Variants in MTARC2 observed in about 807,000 individuals in gnomAD.
MTARC2 encodes the protein MOCO sulphurase C-terminal domain containing 2.
In MTARC2, 27 loss-of-function variants were observed where a neutral mutation model predicts 35.6. The ratio of observed to expected loss-of-function variants is 0.76; its 90% CI spans 0.56 to 1.04. The LOEUF is 1.04. Among genes scored for constraint, MTARC2 ranks in the 50% least tolerant of loss-of-function variants. The probability of loss-of-function intolerance (pLI) is 0.00; values close to 1 mark genes in which losing one functional copy is unlikely to be tolerated. For missense variants in MTARC2, 412 were observed against 432.5 expected (o/e 0.95, Z 0.42); for synonymous variants, 158 against 167.1 (o/e 0.95, Z 0.42).
intron 2 of MTARC2, among the ~76,000 whole-genome samples, chr1:220,755,712 A>T (rs1230717374): frequency 6.6e-6 from 1 of 152,222 alleles, no homozygotes; most frequent in African/African-American, 2.4e-5. Flanking sequence ...TTCCTATTAC[A>T]GGCACACTTG....
Position 220,761,682 on chromosome 1 carries a change from C to G in MTARC2, c.471C>G (p.Gly157=). ...GGATATTTGGCCTTGACATTAAAGGCAGAGACTGTGGCAATGAGGCAGCTA... is the reference window on the plus strand; with the variant it reads ...GGATATTTGGCCTTGACATTAAAGGGAGAGACTGTGGCAATGAGGCAGCTA... The part of the protein sequence containing the change: ...NCRIFGLDIK[G]RDCGNEAAKW... The change falls in exon 3 of 8, where the codon GGC becomes GGG. Residue 157 remains glycine, a synonymous_variant. Transcript: ENST00000366913. 1 of 1,613,682 alleles carries G rather than the reference C, an allele frequency of 6.2e-7. No homozygotes were observed.
At position 220,780,073 on chromosome 1, in the gene MTARC2, G is replaced by A. The variant is rs757028466; in HGVS notation, c.806G>A (p.Cys269Tyr). 6.4e-7 allele frequency: 1 copy of A among 1,553,286 alleles called. No homozygotes were observed. The highest frequency in any genetic ancestry group is 1.3e-5 in the South Asian group (1 of 79,646). The change falls in exon 5 of 8, where the codon TGC (cysteine) becomes TAC (tyrosine). Residue 269 changes from cysteine to tyrosine, a missense_variant. Cys to Tyr is a radical substitution (Grantham distance 194, BLOSUM62 -2). Coordinates refer to ENST00000366913, the MANE Select transcript of MTARC2 (RefSeq NM_017898.5). ...GTAGAAGTGAAAAAGGTAATGGCAT[G>A]CCCCAGGTAAGGAGCCTAGCTAGAC... ...GSVEVKKVMA[C>Y]PRCILTTVDP...
intron 4 of MTARC2, among the ~76,000 whole-genome samples, chr1:220,774,762 A>C (rs142218944): frequency 0.024 from 3,603 of 152,214 alleles, 108 homozygotes; most frequent in African/African-American, 0.064. Context: ...GCGGTCTTAT[A>C]CTTCTGTGGT....
intron 4 of MTARC2, among the ~76,000 whole-genome samples, chr1:220,774,364 G>A (rs1024562152): frequency 6.6e-6 from 1 of 152,086 alleles, no homozygotes; most frequent in African/African-American, 2.4e-5. Flanking sequence ...GAGGTGACTT[G>A]GAGCTTTCTA....
chr1:220,751,365 T>C (rs1558061895), intron 1 of MTARC2, among the ~76,000 whole-genome samples: 1 of 152,224 alleles, frequency 6.6e-6, no homozygotes. Context: ...GAGGGCGTGC[T>C]TGTCCTCCCT....
rs189448170 is a variant in MTARC2, at chr1:220,758,016, G to A, written c.446+2896G>A. ...ATTATTATTTTTGAGATGGAGTCTC[G>A]CTCTGTCACCCGGGCTGGAGTGCAG... On this transcript the variant is annotated intron_variant, in intron 2 of 7. Coordinates refer to ENST00000366913, the MANE Select transcript of MTARC2 (RefSeq NM_017898.5). Among the ~76,000 whole-genome samples, 224 of 152,088 alleles carry A rather than the reference G, an allele frequency of 1.5e-3. 1 individual carries two copies. Among genetic ancestry groups the A allele is most frequent in the African/African-American group, 4.9e-3 (204 of 41,472 alleles).
At chr1:220,749,429 T>C (rs1454638005) in intron 1 of MTARC2, among the ~76,000 whole-genome samples, 1 of 54,350 alleles carries the variant, frequency 1.8e-5, no homozygotes, top group Non-Finnish European at 1.1e-4. Context: ...GCCTTCTTCT[T>C]TTTTTTTTTT....
chr1:220,769,355 C>T (rs1671671536), intron 4 of MTARC2, among the ~76,000 whole-genome samples: 1 of 152,204 alleles, frequency 6.6e-6, no homozygotes, highest in Non-Finnish European at 1.5e-5. Context: ...CAGCGGAAGG[C>T]GGATTAACAG....
At chr1:220,777,052 G>T (rs1671937872) in intron 4 of MTARC2, among the ~76,000 whole-genome samples, 2 of 152,200 alleles carry the variant, frequency 1.3e-5, no homozygotes, top group Admixed American at 1.3e-4. Flanking sequence ...GTAGTTCTTC[G>T]CAATAAGTTA....
Position 220,762,949 on chromosome 1 carries a change from G to C in MTARC2, c.649G>C (p.Asp217His), listed in dbSNP as rs1382155507. The change falls in exon 4 of 8, where the codon GAT becomes CAT. Residue 217 changes from aspartate to histidine, a missense_variant. Asp to His is a moderately conservative substitution (Grantham distance 81). Coordinates refer to ENST00000366913, the MANE Select transcript of MTARC2 (RefSeq NM_017898.5). ...CTACTGCCCGCTCCTGATCATGACA[G>C]ATGCCTCCCTGGTAGATTTGAATAC... ...PDYCPLLIMT[D>H]ASLVDLNTRM... 6.2e-7 allele frequency: 1 copy of C among 1,614,208 alleles called. No individual in the cohort carries two copies. Among genetic ancestry groups the C allele is most frequent in the South Asian group, 1.1e-5 (1 of 91,084 alleles).
intron 1 of MTARC2, among the ~76,000 whole-genome samples, chr1:220,753,861 C>A (rs1431373112): frequency 6.6e-6 from 1 of 152,116 alleles, no homozygotes; most frequent in African/African-American, 2.4e-5. Context: ...ACCAGCCCAG[C>A]CAACATAGCG....
intron 4 of MTARC2, among the ~76,000 whole-genome samples, chr1:220,778,874 C>CA (rs1295309230): frequency 6.6e-6 from 1 of 152,186 alleles, no homozygotes; most frequent in Non-Finnish European, 1.5e-5. Flanking sequence ...GAAATCTGTA[C>CA]AAACCCTGTC....
rs1238284323 is a variant in MTARC2 at position 220,748,349 on chromosome 1, T to A, written c.-183T>A. 4 of 575,420 alleles carry A rather than the reference T, an allele frequency of 7.0e-6. No homozygotes were observed. The highest frequency in any genetic ancestry group is 7.8e-6 in the Non-Finnish European group (3 of 383,710). 35.6% of individuals were successfully genotyped at this position (575,420 alleles called of 1,614,324 possible). The stretch of plus-strand genomic sequence containing the variant: ...TTACCGCGCAGGCTTGGTCACCGCA[T>A]TAAGGCATTCCCGCTCTCCGCGGAA... On this transcript the variant is annotated 5_prime_UTR_variant, in exon 1 of 8. Coordinates refer to ENST00000366913, the MANE Select transcript of MTARC2 (RefSeq NM_017898.5).
At chr1:220,771,879 C>T (rs1345224697) in intron 4 of MTARC2, among the ~76,000 whole-genome samples, 1 of 151,958 alleles carries the variant, frequency 6.6e-6, no homozygotes, top group African/African-American at 2.4e-5. Context: ...ATGTAACAAA[C>T]CTGCACATTC....
chr1:220,771,065 G>A (rs1306128992), intron 4 of MTARC2, among the ~76,000 whole-genome samples: 1 of 152,122 alleles, frequency 6.6e-6, no homozygotes, highest in Non-Finnish European at 1.5e-5. Context: ...TTGGGAGGCC[G>A]AGCCAGTCGG....
Position 220,748,815 on chromosome 1 carries a change from C to A in MTARC2, c.272+12C>A, listed in dbSNP as rs1392675608. The A allele has an allele frequency of 6.4e-7, 1 of 1,567,818 alleles. No individual in the cohort carries two copies. Among genetic ancestry groups the A allele is most frequent in the Non-Finnish European group, 8.6e-7 (1 of 1,159,024 alleles). ...AACCTGCGGGACAGGTACAGCACAG[C>A]GCGGGCGCGGGGCAGCGCGGAGCCT... On this transcript the variant is annotated intron_variant, in intron 1 of 7. Coordinates refer to ENST00000366913, the MANE Select transcript of MTARC2 (RefSeq NM_017898.5).
chr1:220,783,788 C>T (rs1672144586), intron 7 of MTARC2, 131 bp from the exon 8 acceptor site: 2 of 640,978 alleles, frequency 3.1e-6, no homozygotes, highest in Admixed American at 2.4e-5. Flanking sequence ...ATGGGCCATG[C>T]TTTCTGCACA....
chr1:220,754,823 G>C, intron 1 of MTARC2, 124 bp from the exon 2 acceptor site: 2 of 945,794 alleles, frequency 2.1e-6, no homozygotes, highest in Non-Finnish European at 1.6e-6. Flanking sequence ...TAATTGTCTG[G>C]AAAATGATTG....
chr1:220,771,541 A>G (rs1039289804), intron 4 of MTARC2, among the ~76,000 whole-genome samples: 16 of 152,184 alleles, frequency 1.1e-4, no homozygotes, highest in African/African-American at 3.6e-4. Flanking sequence ...ACATGGGGTC[A>G]TGAGAAAGCC....
Sources: allele counts gnomAD v4.1 joint callset (sites outside exome capture counted in the v4.1 genomes callset), GRCh38; gene constraint gnomAD v4.1.1; transcripts MANE v1.5; gene names NCBI Gene and HGNC (gene_info 2026-07-23, HGNC 2026-07-21).